Variants in FBXL7 observed in about 807,000 individuals in gnomAD.
FBXL7 encodes the protein F-box/LRR-repeat protein 7.
FBXL7 carries 12 observed loss-of-function variants against 38.3 expected under a neutral mutation model. That is an observed-to-expected ratio of 0.31 (90% CI 0.20 to 0.51). The LOEUF (loss-of-function observed/expected upper bound fraction) is 0.51, where lower values mean the gene tolerates loss of function less well. Ranked by LOEUF, FBXL7 falls within the 20% of genes least tolerant of loss-of-function variation. The pLI is 0.98. For synonymous variants in FBXL7, 297 were observed against 300.9 expected (o/e 0.99, Z 0.13); for missense variants, 567 against 676.4 (o/e 0.84, Z 1.79).
intron 2 of FBXL7, among the ~76,000 whole-genome samples, chr5:15,669,147 T>G (rs1251310309): frequency 6.6e-6 from 1 of 152,212 alleles, no homozygotes; most frequent in Non-Finnish European, 1.5e-5. Context: ...TTTGACATAT[T>G]GAGCAGATGG....
intron 1 of FBXL7, among the ~76,000 whole-genome samples, chr5:15,517,988 G>A (rs746598972): frequency 1.3e-5 from 2 of 151,856 alleles, no homozygotes; most frequent in African/African-American, 2.4e-5. Context: ...GTTTGTTTTC[G>A]TTGTTGTTGT....
At chr5:15,581,643 G>C (rs897893856) in intron 1 of FBXL7, among the ~76,000 whole-genome samples, 1 of 152,184 alleles carries the variant, frequency 6.6e-6, no homozygotes, top group South Asian at 2.1e-4. Context: ...CTACTCAGCA[G>C]ACTGTCCTGA....
Position 15,536,820 on chromosome 5 carries a change from C to A in FBXL7, c.37+36107C>A, listed in dbSNP as rs185771665. Among the ~76,000 whole-genome samples, 3 of 151,950 alleles carry A rather than the reference C, an allele frequency of 2.0e-5. No homozygotes were observed. The East Asian group carries it at 5.8e-4, about 29-fold the overall frequency. ...TGTGTTTTGAAATATGAGAGGGATACGAGATTTGGGAGGGGCCAAGGGCAG... is the reference window on the plus strand; with the variant it reads ...TGTGTTTTGAAATATGAGAGGGATAAGAGATTTGGGAGGGGCCAAGGGCAG... On this transcript the variant is annotated intron_variant, in intron 1 of 3. Transcript: ENST00000504595.
chr5:15,789,244 A>G (rs1193514688), intron 2 of FBXL7, among the ~76,000 whole-genome samples: 1 of 152,056 alleles, frequency 6.6e-6, no homozygotes. Flanking sequence ...CAGAGTTTGG[A>G]ATAATGTTTT....
At chr5:15,746,772 T>C (rs1006707721) in intron 2 of FBXL7, among the ~76,000 whole-genome samples, 1 of 152,182 alleles carries the variant, frequency 6.6e-6, no homozygotes, top group African/African-American at 2.4e-5. Flanking sequence ...TGAATGGCCT[T>C]TGTTTTTTCT....
At chr5:15,659,498 A>G (rs1390881214) in intron 2 of FBXL7, among the ~76,000 whole-genome samples, 1 of 152,204 alleles carries the variant, frequency 6.6e-6, no homozygotes, top group African/African-American at 2.4e-5. Context: ...AAACGTGACT[A>G]TTCATTGATT....
chr5:15,657,694 T>C (rs1741927175), intron 2 of FBXL7, among the ~76,000 whole-genome samples: 1 of 152,064 alleles, frequency 6.6e-6, no homozygotes, highest in Non-Finnish European at 1.5e-5. Context: ...AAAAATTATC[T>C]GGCTGTGGTG....
At position 15,802,704 on chromosome 5, in the gene FBXL7, A is replaced by C. The variant is rs181615410; in HGVS notation, c.128-125186A>C. Among the ~76,000 whole-genome samples, 399 of 149,858 alleles carry C rather than the reference A, an allele frequency of 2.7e-3. 1 individual carries two copies. Among genetic ancestry groups the C allele is most frequent in the Non-Finnish European group, 4.3e-3 (289 of 67,574 alleles). On this transcript the variant is annotated intron_variant, in intron 2 of 3. Transcript: ENST00000504595. ...AGTCTCATGCTGTTGTCCAGGCTGG[A>C]GTACAGTAGCATGATCTTGGCTCAC...
At chr5:15,808,469 G>A (rs1037731240) in intron 2 of FBXL7, among the ~76,000 whole-genome samples, 2 of 151,918 alleles carry the variant, frequency 1.3e-5, no homozygotes, top group African/African-American at 2.4e-5. Context: ...GACTTACCCC[G>A]TTCTCATCTT....
rs1350275292 is a variant in FBXL7, at chr5:15,936,434, C to A, written c.740-16C>A. On this transcript the variant is annotated splice_polypyrimidine_tract_variant and intron_variant, in intron 3 of 3. Coordinates refer to ENST00000504595, the MANE Select transcript of FBXL7 (RefSeq NM_012304.5). This position sits in a 1 kb window ranked among gnomAD's most constrained non-coding sequence, Gnocchi z 6.0. ...TGGCAGGTTGCTCTGAGCCTGTGTT[C>A]TGTCTCTTTGTGCAGGATGCTCCAA... 1 of 1,606,672 alleles carries A rather than the reference C, an allele frequency of 6.2e-7. No homozygotes were observed. The highest frequency in any genetic ancestry group is 1.1e-5 in the South Asian group (1 of 90,434).
Position 15,500,602 on chromosome 5 carries a change from C to T in FBXL7, c.-75C>T, listed in dbSNP as rs1231768151. 2 of 1,605,456 alleles carry T rather than the reference C, an allele frequency of 1.2e-6. No homozygotes were observed. Among genetic ancestry groups the T allele is most frequent in the Non-Finnish European group, 1.7e-6 (2 of 1,172,776 alleles). On this transcript the variant is annotated 5_prime_UTR_variant, in exon 1 of 4. Transcript: ENST00000504595. ...CTAACGGTCCCGTCGGGCGGGCTTT[C>T]CTCGGGCCGAGCGCGCAGGACGTGC...
chr5:15,555,404 G>A (rs1180345432), intron 1 of FBXL7, among the ~76,000 whole-genome samples: 1 of 152,192 alleles, frequency 6.6e-6, no homozygotes, highest in African/African-American at 2.4e-5. Context: ...TGTGGAACAG[G>A]TGGGATCACT....
At chr5:15,581,947 TC>T (rs1295677968) in intron 1 of FBXL7, among the ~76,000 whole-genome samples, 10 of 152,076 alleles carry the variant, frequency 6.6e-5, no homozygotes, top group Non-Finnish European at 1.2e-4. Flanking sequence ...ATAGATGATT[TC>T]TTTTTTTGAA....
intron 2 of FBXL7, among the ~76,000 whole-genome samples, chr5:15,681,878 AC>A (rs1742854778): frequency 1.3e-5 from 2 of 152,326 alleles, no homozygotes; most frequent in African/African-American, 2.4e-5. Context: ...GAAGAGTGGA[AC>A]ATAATTGGTG....
At chr5:15,850,317 G>T (rs1218315885) in intron 2 of FBXL7, among the ~76,000 whole-genome samples, 1 of 152,194 alleles carries the variant, frequency 6.6e-6, no homozygotes, top group Non-Finnish European at 1.5e-5. Flanking sequence ...TAGTAATTTT[G>T]TAGACGTTAT....
chr5:15,809,129 A>G lies in FBXL7; in HGVS notation c.128-118761A>G, dbSNP rs1429894745. 2.0e-5 allele frequency among the ~76,000 whole-genome samples: 3 copies of G among 152,322 alleles called. No individual in the cohort carries two copies. The East Asian group carries it at 5.8e-4, about 29-fold the overall frequency. On this transcript the variant is annotated intron_variant, in intron 2 of 3. Coordinates refer to ENST00000504595, the MANE Select transcript of FBXL7 (RefSeq NM_012304.5). The stretch of plus-strand genomic sequence containing the variant: ...GGGAAGTTGCTAAACCTAAAAAAAA[A>G]GTTGTGCATCAATGTCTGCATATCA...
intron 1 of FBXL7, among the ~76,000 whole-genome samples, chr5:15,528,044 A>T (rs562875849): frequency 2.6e-5 from 4 of 152,256 alleles, no homozygotes; most frequent in African/African-American, 9.6e-5. Flanking sequence ...AGTCCTAATT[A>T]TTTGGATATG....
At chr5:15,589,319 T>C (rs1739401294) in intron 1 of FBXL7, among the ~76,000 whole-genome samples, 1 of 152,140 alleles carries the variant, frequency 6.6e-6, no homozygotes, top group Non-Finnish European at 1.5e-5. Context: ...GATGATTGAA[T>C]CTCGGGGGTG....
At chr5:15,821,533 C>T (rs950132526) in intron 2 of FBXL7, among the ~76,000 whole-genome samples, 9 of 152,180 alleles carry the variant, frequency 5.9e-5, no homozygotes, top group African/African-American at 2.2e-4. Flanking sequence ...CTCAGAACAT[C>T]ATTTTACTTA....
Sources: allele counts gnomAD v4.1 joint callset (sites outside exome capture counted in the v4.1 genomes callset), GRCh38; gene constraint gnomAD v4.1.1; non-coding constraint Gnocchi (gnomAD v3.1); transcripts MANE v1.5; gene names NCBI Gene and HGNC (gene_info 2026-07-23, HGNC 2026-07-21).